Variants in ARHGAP21 observed in about 807,000 individuals in gnomAD.
The protein encoded by ARHGAP21 is Rho GTPase activating protein 21.
A neutral mutation model predicts 164.6 loss-of-function variants in ARHGAP21; 38 were observed. The observed-to-expected ratio is 0.23, with a 90% CI of 0.18 to 0.30. The LOEUF (loss-of-function observed/expected upper bound fraction) is 0.30. ARHGAP21 is among the 10% of genes least tolerant of loss of function. The pLI is 1.00. For synonymous variants in ARHGAP21, 766 were observed against 857.9 expected (o/e 0.89, Z 1.87); for missense variants, 1,822 against 2,370.7 (o/e 0.77, Z 4.81).
chr10:24,641,933 T>C (rs1007031656), intron 4 of ARHGAP21, among the ~76,000 whole-genome samples: 3 of 151,020 alleles, frequency 2.0e-5, no homozygotes, highest in African/African-American at 4.9e-5. Flanking sequence ...GAGGTGGAGG[T>C]TGCAGTGAGC....
chr10:24,596,475 A>G (rs1442426261), intron 17 of ARHGAP21: 1 of 544,768 alleles, frequency 1.8e-6, no homozygotes, highest in Non-Finnish European at 3.2e-6. Context: ...TTAAAATGCT[A>G]AAAGCAGAAA....
chr10:24,589,515 C>T, intron 24 of ARHGAP21: 1 of 487,712 alleles, frequency 2.1e-6, no homozygotes. Flanking sequence ...GTAGGCAGAA[C>T]CAGCTCAATG....
chr10:24,592,399 CA>C (rs1373724530), intron 21 of ARHGAP21, among the ~76,000 whole-genome samples: 3 of 152,028 alleles, frequency 2.0e-5, no homozygotes, highest in African/African-American at 4.8e-5. Flanking sequence ...TGATAATGTG[CA>C]ATGCATAATT....
intron 2 of ARHGAP21, among the ~76,000 whole-genome samples, chr10:24,700,355 C>T (rs576914710): frequency 1.4e-4 from 21 of 152,302 alleles, no homozygotes; most frequent in African/African-American, 4.6e-4. Flanking sequence ...AGCACTCACA[C>T]AGCACACCCA....
intron 7 of ARHGAP21, chr10:24,629,585 C>T (rs1435787295): frequency 6.2e-6 from 1 of 162,034 alleles, no homozygotes; most frequent in Non-Finnish European, 1.4e-5. Flanking sequence ...AGTTTGTCCT[C>T]GTATTACAAA....
At chr10:24,676,471 G>T (rs1841258505) in intron 2 of ARHGAP21, among the ~76,000 whole-genome samples, 1 of 152,118 alleles carries the variant, frequency 6.6e-6, no homozygotes, top group South Asian at 2.1e-4. Context: ...GCTTATAAGT[G>T]GGAGTTAAAC....
At chr10:24,607,220 A>G (rs2077063822) in intron 11 of ARHGAP21, among the ~76,000 whole-genome samples, 1 of 152,242 alleles carries the variant, frequency 6.6e-6, no homozygotes, top group Non-Finnish European at 1.5e-5. Context: ...GAATAGCTCT[A>G]GAATTACACA....
chr10:24,602,124 AC>A, intron 12 of ARHGAP21, 21 bp from the exon 13 acceptor site: 2 of 1,599,054 alleles, frequency 1.3e-6, no homozygotes, highest in South Asian at 2.3e-5. Context: ...GACCAAGAAA[AC>A]AGTAAAATGT....
intron 2 of ARHGAP21, among the ~76,000 whole-genome samples, chr10:24,701,618 A>G (rs888024003): frequency 6.6e-6 from 1 of 152,172 alleles, no homozygotes; most frequent in Non-Finnish European, 1.5e-5. Flanking sequence ...GATGAACAGC[A>G]AAGGAGGCCA....
intron 16 of ARHGAP21, 35 bp from the exon 17 acceptor site, chr10:24,596,917 A>G (rs765438400): frequency 4.4e-6 from 7 of 1,578,278 alleles, no homozygotes; most frequent in Non-Finnish European, 6.0e-6. Flanking sequence ...ACAACATAAT[A>G]AAATGGAAAT....
At chr10:24,722,530 T>G (rs1846030772) in intron 1 of ARHGAP21, 1 of 154,182 alleles carries the variant, frequency 6.5e-6, no homozygotes, top group Non-Finnish European at 1.4e-5. Context: ...CCCATTCAAG[T>G]GCATTTTAAT....
chr10:24,616,164 T>C (rs980588958), intron 9 of ARHGAP21, among the ~76,000 whole-genome samples: 5 of 152,196 alleles, frequency 3.3e-5, no homozygotes, highest in Non-Finnish European at 7.3e-5. Context: ...TGGCATCACA[T>C]TTTTGGGAAA....
Position 24,604,941 on chromosome 10 carries a change from G to A in ARHGAP21, c.2685-593C>T, listed in dbSNP as rs893157168. On this transcript the variant is annotated intron_variant, in intron 11 of 25. Transcript: ENST00000396432. ...GAGACAGGTTCATGTTAAAGTAATC[G>A]AAAATAATTTAACTTTTATTAAGGG... 2.6e-5 allele frequency among the ~76,000 whole-genome samples: 4 copies of A among 152,054 alleles called. No individual in the cohort carries two copies. In the South Asian group the frequency reaches 6.2e-4, roughly 24 times the overall value.
chr10:24,655,724 G>C (rs1479239622), intron 4 of ARHGAP21, among the ~76,000 whole-genome samples: 1 of 140,918 alleles, frequency 7.1e-6, no homozygotes, highest in Non-Finnish European at 1.5e-5. Flanking sequence ...AGTCTGGAAA[G>C]TGAGGAGCGT....
Position 24,621,034 on chromosome 10 carries a change from A to G in ARHGAP21, c.861T>C (p.Asn287=), listed in dbSNP as rs1834490723. Residue 287 remains asparagine, a synonymous_variant, in exon 9 of 26, where the codon AAT becomes AAC. Transcript: ENST00000396432. ...PSEKVVDLLS[N]RNNHTGPSHR... is the part of the protein sequence containing the mutation. Reference sequence around the variant, plus strand: ...GTGAAGGACCTGTATGGTTGTTTCTATTGGATAACAAATCTACAACCTTCT... The same window carrying G: ...GTGAAGGACCTGTATGGTTGTTTCTGTTGGATAACAAATCTACAACCTTCT... The G allele has an allele frequency of 1.9e-6, 3 of 1,613,986 alleles. No individual in the cohort carries two copies. Among genetic ancestry groups the G allele is most frequent in the African/African-American group, 1.3e-5 (1 of 75,038 alleles).
At chr10:24,715,663 G>A (rs1845303754) in intron 2 of ARHGAP21, among the ~76,000 whole-genome samples, 1 of 152,178 alleles carries the variant, frequency 6.6e-6, no homozygotes, top group Admixed American at 6.5e-5. Context: ...AAGGTGGGCA[G>A]GAGGTCTAAG....
intron 5 of ARHGAP21, among the ~76,000 whole-genome samples, chr10:24,634,182 A>G (rs1012028568): frequency 2.6e-5 from 4 of 152,032 alleles, no homozygotes; most frequent in Non-Finnish European, 5.9e-5. Flanking sequence ...CCACATGCAT[A>G]CTAATATACA....
chr10:24,620,550 G>C lies in ARHGAP21; in HGVS notation c.1345C>G (p.Gln449Glu). ...CTGCGTTGCCGTATCTGGACAGACT[G>C]GGGCACTCGATCATGAGAGGTGCTT... Reference protein sequence around the residue: ...RRSTSHDRVPQSVQIRQRSVS... With the variant: ...RRSTSHDRVPESVQIRQRSVS... The change falls in exon 9 of 26, where the codon CAG (glutamine) becomes GAG (glutamate). Residue 449 changes from glutamine (Q) to glutamate (E), a missense_variant. Coordinates refer to ENST00000396432, the MANE Select transcript of ARHGAP21 (RefSeq NM_020824.4). 3 of 1,613,882 alleles carry C rather than the reference G, an allele frequency of 1.9e-6. No individual in the cohort carries two copies. The highest frequency in any genetic ancestry group is 2.5e-6 in the Non-Finnish European group (3 of 1,179,892).
intron 21 of ARHGAP21, among the ~76,000 whole-genome samples, chr10:24,594,623 T>TTATTCC (rs2076499096): frequency 6.6e-6 from 1 of 151,486 alleles, no homozygotes; most frequent in Admixed American, 6.6e-5. Flanking sequence ...CCCTGTATTC[T>TTATTCC]ATTTGGCCTT....
Sources: gnomAD v4.1 joint callset for allele counts (sites outside exome capture counted in the v4.1 genomes callset) on GRCh38, gnomAD v4.1.1 for gene constraint, MANE v1.5 for transcripts, NCBI Gene and HGNC (gene_info 2026-07-23, HGNC 2026-07-21) for gene names.